XRCC4: variants seen among roughly 807,000 people sequenced by gnomAD.
The protein encoded by XRCC4 is DNA repair protein XRCC4.
XRCC4 carries 28 observed loss-of-function variants against 39.1 expected under a neutral mutation model. The ratio of observed to expected loss-of-function variants is 0.72; its 90% CI spans 0.53 to 0.98. The LOEUF is 0.98. XRCC4 is among the 50% of genes least tolerant of loss of function. The probability of loss-of-function intolerance (pLI) is 0.00; values close to 1 mark genes in which losing one functional copy is unlikely to be tolerated. For missense variants in XRCC4, 350 were observed against 376.4 expected, an observed-to-expected ratio of 0.93 and a Z score of 0.58; for synonymous variants, 123 against 126.4, an observed-to-expected ratio of 0.97 and a Z score of 0.18.
chr5:83,292,870 C>G (rs1580473561), intron 7 of XRCC4, among the ~76,000 whole-genome samples: 1 of 151,488 alleles, frequency 6.6e-6, no homozygotes, highest in Non-Finnish European at 1.5e-5. Flanking sequence ...TTGGATTTCT[C>G]TTAGTTTTTA....
chr5:83,107,032 T>C (rs1746232595), intron 2 of XRCC4, among the ~76,000 whole-genome samples: 1 of 152,038 alleles, frequency 6.6e-6, no homozygotes, highest in Non-Finnish European at 1.5e-5. Context: ...AAATGTGATA[T>C]CAAACTTATG....
At chr5:83,135,709 C>CTAATGTGT in intron 3 of XRCC4, among the ~76,000 whole-genome samples, 1 of 152,004 alleles carries the variant, frequency 6.6e-6, no homozygotes, top group African/African-American at 2.4e-5. Context: ...TGTGCTTTGT[C>CTAATGTGT]TAATGTGTTG....
intron 7 of XRCC4, among the ~76,000 whole-genome samples, chr5:83,265,186 A>G (rs56843113): frequency 0.065 from 9,949 of 152,196 alleles, 1,049 homozygotes; most frequent in African/African-American, 0.22. Flanking sequence ...TAGATGGATA[A>G]TATAATCATC....
intron 7 of XRCC4, among the ~76,000 whole-genome samples, chr5:83,341,143 C>T (rs1480523106): frequency 6.6e-6 from 1 of 151,288 alleles, no homozygotes; most frequent in Non-Finnish European, 1.5e-5. Flanking sequence ...CTAGGTTAAA[C>T]AAGGTTCTTT....
intron 7 of XRCC4, among the ~76,000 whole-genome samples, chr5:83,268,432 T>G (rs1047938100): frequency 4.6e-5 from 7 of 152,168 alleles, no homozygotes; most frequent in Non-Finnish European, 1.0e-4. Flanking sequence ...AATATATATA[T>G]TGTGATGCAT....
chr5:83,161,362 C>T (rs1241335428), intron 3 of XRCC4, among the ~76,000 whole-genome samples: 2 of 152,070 alleles, frequency 1.3e-5, no homozygotes, highest in African/African-American at 2.4e-5. Context: ...GAACTCCTGA[C>T]CTCAGGTAAT....
intron 6 of XRCC4, among the ~76,000 whole-genome samples, chr5:83,240,168 C>T (rs746422796): frequency 1.7e-4 from 26 of 151,998 alleles, no homozygotes; most frequent in African/African-American, 5.3e-4. Context: ...AGTGAGACCC[C>T]GACTCAATAA....
chr5:83,320,665 G>C (rs1217584423), intron 7 of XRCC4, among the ~76,000 whole-genome samples: 1 of 151,856 alleles, frequency 6.6e-6, no homozygotes, highest in Non-Finnish European at 1.5e-5. Context: ...AATACCTTTG[G>C]CAACTACCAC....
rs7730890 is a variant in XRCC4 at position 83,271,794 on chromosome 5, A to C, written c.893+13117A>C. Among the ~76,000 whole-genome samples the C allele has an allele frequency of 7.2e-3, 1,098 of 152,332 alleles. 7 individuals carry two copies. Among genetic ancestry groups the C allele is most frequent in the African/African-American group, 0.024 (991 of 41,582 alleles). The stretch of plus-strand genomic sequence containing the variant: ...AGTGCTGGGCATTCTAGTCCAGCAT[A>C]TGCCCAGGAGTGAAAATGAAATGGG... On this transcript the variant is annotated intron_variant, in intron 7 of 7. Transcript: ENST00000396027.
At chr5:83,280,035 A>G (rs1454593714) in intron 7 of XRCC4, 2 of 200,570 alleles carry the variant, frequency 1.0e-5, no homozygotes, top group Non-Finnish European at 1.1e-5. Flanking sequence ...TCAAAAAACA[A>G]TGTGGCAAGC....
At chr5:83,173,309 CA>C (rs1749814653) in intron 3 of XRCC4, among the ~76,000 whole-genome samples, 1 of 152,070 alleles carries the variant, frequency 6.6e-6, no homozygotes, top group Non-Finnish European at 1.5e-5. Context: ...TATTATCCCC[CA>C]AATTTGTTCA....
intron 7 of XRCC4, among the ~76,000 whole-genome samples, chr5:83,323,088 G>T (rs757804452): frequency 3.3e-5 from 5 of 152,066 alleles, no homozygotes. Context: ...GATGGATCTA[G>T]TTCTTTAAAG....
chr5:83,096,867 A>G (rs1437552079), intron 1 of XRCC4, among the ~76,000 whole-genome samples: 3 of 151,984 alleles, frequency 2.0e-5, no homozygotes, highest in African/African-American at 7.3e-5. Flanking sequence ...CCACCTTTAT[A>G]TGGTACTTGT....
intron 1 of XRCC4, among the ~76,000 whole-genome samples, chr5:83,097,223 CTG>C (rs2112341124): frequency 1.3e-5 from 2 of 151,714 alleles, no homozygotes; most frequent in South Asian, 4.1e-4. Flanking sequence ...CTATTTATAA[CTG>C]TTACTATTAT....
intron 3 of XRCC4, among the ~76,000 whole-genome samples, chr5:83,172,210 T>A (rs1276692423): frequency 6.6e-6 from 1 of 152,156 alleles, no homozygotes; most frequent in Non-Finnish European, 1.5e-5. Flanking sequence ...TCTTCTGAAC[T>A]ACACTGAGAG....
intron 3 of XRCC4, among the ~76,000 whole-genome samples, chr5:83,168,791 TTGAACA>T (rs1323010917): frequency 6.6e-6 from 1 of 152,166 alleles, no homozygotes; most frequent in Admixed American, 6.5e-5. Context: ...ACTTTTAGAA[TTGAACA>T]TCAGCCAAAA....
intron 3 of XRCC4, among the ~76,000 whole-genome samples, chr5:83,127,796 A>G (rs962649442): frequency 2.6e-5 from 4 of 151,212 alleles, no homozygotes; most frequent in African/African-American, 7.3e-5. Context: ...GATGAATTCT[A>G]TCGGATTTTA....
At chr5:83,195,406 T>C (rs920839633) in intron 3 of XRCC4, among the ~76,000 whole-genome samples, 1 of 152,166 alleles carries the variant, frequency 6.6e-6, no homozygotes, top group Non-Finnish European at 1.5e-5. Context: ...GAAATTAGAG[T>C]TAAAATTATC....
chr5:83,169,954 C>T (rs1749648582), intron 3 of XRCC4, among the ~76,000 whole-genome samples: 1 of 152,056 alleles, frequency 6.6e-6, no homozygotes, highest in Non-Finnish European at 1.5e-5. Flanking sequence ...TATTGAAATG[C>T]TTTCTGAAGT....
Sources: gnomAD v4.1 joint callset for allele counts (sites outside exome capture counted in the v4.1 genomes callset) on GRCh38, gnomAD v4.1.1 for gene constraint, MANE v1.5 for transcripts, NCBI Gene and HGNC (gene_info 2026-07-23, HGNC 2026-07-21) for gene names.